Variants in GRHL3 observed in about 807,000 individuals in gnomAD.
The protein encoded by GRHL3 is grainyhead like transcription factor 3, also known as grainyhead-like protein 3 homolog.
In GRHL3, 20 loss-of-function variants were observed where a neutral mutation model predicts 70.3. The ratio of observed to expected loss-of-function variants is 0.28; its 90% CI spans 0.20 to 0.41. The LOEUF (loss-of-function observed/expected upper bound fraction) is 0.41, where lower values mean the gene tolerates loss of function less well. Among genes scored for constraint, GRHL3 ranks in the 10% least tolerant of loss-of-function variants. The probability of loss-of-function intolerance (pLI) is 1.00; values close to 1 mark genes in which losing one functional copy is unlikely to be tolerated. For missense variants in GRHL3, 637 were observed against 762.3 expected (o/e 0.84, Z 1.94); for synonymous variants, 299 against 299.9 (o/e 1.00, Z 0.03).
Position 24,342,935 on chromosome 1 carries a change from G to C in GRHL3, c.1329G>C (p.Thr443=), listed in dbSNP as rs201769543. 3 of 1,614,036 alleles carry C rather than the reference G, an allele frequency of 1.9e-6. No individual in the cohort carries two copies. Among genetic ancestry groups the C allele is most frequent in the Non-Finnish European group, 2.5e-6 (3 of 1,180,040 alleles). The change falls in exon 11 of 16, where the codon ACG becomes ACC. Residue 443 remains threonine (T), a synonymous_variant. Coordinates refer to ENST00000361548, the MANE Select transcript of GRHL3 (RefSeq NM_198173.3). The surrounding 1 kb of genome is among the most constrained non-coding windows in gnomAD (Gnocchi z 4.8). ...TGTCGGGCTTCAGGGGCAATGAGAC[G>C]ACCTACCTTCGGCCAGAGACTGACC... ...CLLSGFRGNE[T]TYLRPETDLE...
chr1:24,338,147 C>T, intron 7 of GRHL3, 44 bp downstream of exon 7: 1 of 1,295,900 alleles, frequency 7.7e-7, no homozygotes, highest in South Asian at 1.3e-5. Flanking sequence ...CCTCTCTCTC[C>T]CCACCCCCGC....
At chr1:24,363,534 A>C (rs1641258271) in intron 15 of GRHL3, among the ~76,000 whole-genome samples, 1 of 152,236 alleles carries the variant, frequency 6.6e-6, no homozygotes. Flanking sequence ...ATGTGTTCTT[A>C]GAAAAGGCTC....
rs1200942933 is a variant in GRHL3, at chr1:24,364,135, C to T, written c.1695-50C>T. Reference sequence around the variant, plus strand: ...CTGTTCCTTCTGTGAGAAACACCAACTTTCCCTGCAAACTCGAATTCAATT... The same window carrying T: ...CTGTTCCTTCTGTGAGAAACACCAATTTTCCCTGCAAACTCGAATTCAATT... On this transcript the variant is annotated intron_variant, in intron 15 of 15. Transcript: ENST00000350501. The T allele has an allele frequency of 3.4e-6, 5 of 1,470,766 alleles. No homozygotes were observed. In the Admixed American group the frequency reaches 1.2e-4, roughly 36 times the overall value. The allele number at this position is 1,470,766 out of a possible 1,614,324, so 91.1% of individuals were successfully genotyped here.
chr1:24,357,054 C>A (rs1320919545), downstream of GRHL3: 1 of 130,042 alleles, frequency 7.7e-6, no homozygotes, highest in African/African-American at 3.4e-5. Flanking sequence ...AGGCCCCCCC[C>A]CCCAAAAAAA....
At chr1:24,332,435 G>A (rs1399310976) in intron 2 of GRHL3, among the ~76,000 whole-genome samples, 1 of 152,186 alleles carries the variant, frequency 6.6e-6, no homozygotes, top group African/African-American at 2.4e-5. Flanking sequence ...CAGGAATCAC[G>A]AGGGTATAAC....
In GRHL3 at chr1:24,337,652, C is replaced by G. The variant is rs1489259284; in HGVS notation, c.703C>G (p.Leu235Val). The part of the protein sequence containing the change: ...PSLKSDFEYT[L>V]GSPKAIHIKS... ...TCCCTGCAGTGACTTTGAATACACC[C>G]TGGGCTCCCCCAAAGCCATCCACAT... The change falls in exon 6 of 16, where the codon CTG (leucine) becomes GTG (valine). Residue 235 changes from leucine (L) to valine (V), a missense_variant. Transcript: ENST00000361548. 1 of 1,614,076 alleles carries G rather than the reference C, an allele frequency of 6.2e-7. No homozygotes were observed. The highest frequency in any genetic ancestry group is 8.5e-7 in the Non-Finnish European group (1 of 1,180,022).
intron 11 of GRHL3, 117 bp downstream of exon 11, chr1:24,343,142 CT>C: frequency 1.7e-6 from 2 of 1,172,774 alleles, no homozygotes; most frequent in Non-Finnish European, 1.2e-6. Flanking sequence ...GTTTCAAGAC[CT>C]TTATTGAATC....
chr1:24,330,303 T>A (rs1639553314), intron 1 of GRHL3, among the ~76,000 whole-genome samples: 1 of 152,200 alleles, frequency 6.6e-6, no homozygotes, highest in African/African-American at 2.4e-5. Flanking sequence ...GTGAAAGCGA[T>A]CTATGTTTTA....
chr1:24,354,482 G>A lies in GRHL3; in HGVS notation c.1803G>A (p.Glu601=). The A allele has an allele frequency of 6.2e-7, 1 of 1,608,022 alleles. No individual in the cohort carries two copies. The highest frequency in any genetic ancestry group is 1.1e-5 in the South Asian group (1 of 90,948). ...LDGKIQIILK[E]L Reference sequence around the variant, plus strand: ...GCAAAATTCAGATCATCCTTAAGGAGCTGTAAGGCCTCTCGAGCATCCAAA... The same window carrying A: ...GCAAAATTCAGATCATCCTTAAGGAACTGTAAGGCCTCTCGAGCATCCAAA... The change falls in exon 16 of 16, where the codon GAG becomes GAA. Residue 601 remains glutamate (E), a synonymous_variant. Transcript: ENST00000361548.
At chr1:24,351,849 C>G (rs557263702) in intron 15 of GRHL3, among the ~76,000 whole-genome samples, 50 of 152,150 alleles carry the variant, frequency 3.3e-4, no homozygotes, top group Non-Finnish European at 6.2e-4. Context: ...TCTCGTTGAC[C>G]CTTTGAGCTG....
In GRHL3 at chr1:24,360,983, A is replaced by G. The variant is rs750618882; in HGVS notation, c.1695-3202A>G. On this transcript the variant is annotated intron_variant, in intron 15 of 15. Transcript: ENST00000350501. ...ATCTCATACTGACCAGGACCTGGGA[A>G]AGGTGGCTTCGGAGGCAGAGGCGAA... The G allele has an allele frequency of 6.2e-7, 1 of 1,613,744 alleles. No individual in the cohort carries two copies. Among genetic ancestry groups the G allele is most frequent in the Admixed American group, 1.7e-5 (1 of 59,938 alleles).
At chr1:24,346,456 C>A in intron 12 of GRHL3, 97 bp from the exon 13 acceptor site, 1 of 756,290 alleles carries the variant, frequency 1.3e-6, no homozygotes, top group South Asian at 1.6e-5. Flanking sequence ...CTTGTGTTTT[C>A]TTCCCCATTT....
intron 8 of GRHL3, among the ~76,000 whole-genome samples, chr1:24,340,587 G>A (rs969956520): frequency 6.6e-6 from 1 of 152,150 alleles, no homozygotes; most frequent in Non-Finnish European, 1.5e-5. Flanking sequence ...GAGCACCTTC[G>A]GCCTGTCCCT....
chr1:24,358,508 G>A (rs897356067), downstream of GRHL3: 13 of 1,560,030 alleles, frequency 8.3e-6, no homozygotes, highest in Non-Finnish European at 1.1e-5. Flanking sequence ...GGGTGGGCTG[G>A]TGGCTGGAGT....
At chr1:24,336,159 C>T (rs867353459) in intron 3 of GRHL3, among the ~76,000 whole-genome samples, 4 of 151,784 alleles carry the variant, frequency 2.6e-5, no homozygotes, top group Non-Finnish European at 2.9e-5. Flanking sequence ...GAAGTAGGGA[C>T]GTTTTGACAC....
Position 24,337,695 on chromosome 1 carries a change from C to G in GRHL3, c.746C>G (p.Pro249Arg). The stretch of plus-strand genomic sequence containing the variant: ...ATCCACATCAAGTCAGGCGAGTCAC[C>G]CATGGCCTACCTCAACAAAGGCCAG... ...KAIHIKSGES[P>R]MAYLNKGQFY... The change falls in exon 6 of 16, where the codon CCC becomes CGC. Residue 249 changes from proline (P) to arginine (R), a missense_variant. By Grantham distance (103) the Pro-to-Arg change is moderately radical (BLOSUM62 -2). Around this residue, in one of 2 missense-constraint regions of GRHL3, gnomAD observed 387 missense variants for 513.8 expected, o/e 0.75. Transcript: ENST00000361548. The G allele has an allele frequency of 6.2e-7, 1 of 1,614,176 alleles. No homozygotes were observed. The highest frequency in any genetic ancestry group is 8.5e-7 in the Non-Finnish European group (1 of 1,180,024).
In GRHL3 at chr1:24,331,747, C is replaced by T. The variant is rs1639624527; in HGVS notation, c.204+135C>T. 5.0e-6 allele frequency: 3 copies of T among 601,718 alleles called. No homozygotes were observed. The East Asian group carries it at 8.8e-5, about 18-fold the overall frequency. 37.3% of individuals were successfully genotyped at this position (601,718 alleles called of 1,614,324 possible). ...CCTTTGCACAATGCTGTTCCCTCTGCCTGGCACCCTCCCTTTCCCATGGCT... is the reference window on the plus strand; with the variant it reads ...CCTTTGCACAATGCTGTTCCCTCTGTCTGGCACCCTCCCTTTCCCATGGCT... On this transcript the variant is annotated intron_variant, in intron 2 of 15. Coordinates refer to ENST00000361548, the MANE Select transcript of GRHL3 (RefSeq NM_198173.3).
Position 24,354,857 on chromosome 1 carries a change from C to T in GRHL3, c.*369C>T, listed in dbSNP as rs536145385. 9 of 166,378 alleles carry T rather than the reference C, an allele frequency of 5.4e-5. No homozygotes were observed. The highest frequency in any genetic ancestry group is 1.9e-4 in the African/African-American group (8 of 42,232). The allele number at this position is 166,378 out of a possible 1,614,324, so 10.3% of individuals were successfully genotyped here. ...GATGGTGGCGGCACACGCTCCCTCC[C>T]GCAGCACCACGCCAGCTGGTGCGGC... On this transcript the variant is annotated 3_prime_UTR_variant, in exon 16 of 16. Coordinates refer to ENST00000361548, the MANE Select transcript of GRHL3 (RefSeq NM_198173.3).
chr1:24,339,051 G>T (rs1250134236), intron 7 of GRHL3, among the ~76,000 whole-genome samples: 4 of 152,186 alleles, frequency 2.6e-5, no homozygotes, highest in Non-Finnish European at 5.9e-5. Flanking sequence ...TCTGGGAGAA[G>T]TCCCAAATCA....
Sources: gnomAD v4.1 joint callset for allele counts (sites outside exome capture counted in the v4.1 genomes callset) on GRCh38, gnomAD v4.1.1 for gene constraint, gnomAD v4.1.1 regional missense constraint, Gnocchi (gnomAD v3.1) non-coding constraint, MANE v1.5 for transcripts, NCBI Gene and HGNC (gene_info 2026-07-23, HGNC 2026-07-21) for gene names.